The following DAB1 variants were observed in gnomAD, a reference collection of about 807,000 sequenced individuals.
DAB1 encodes the protein DAB adaptor protein 1.
DAB1 carries 15 observed loss-of-function variants against 64.6 expected under a neutral mutation model. That is an observed-to-expected ratio of 0.23 (90% confidence interval 0.16 to 0.36). The LOEUF (loss-of-function observed/expected upper bound fraction) is 0.36, where lower values mean the gene tolerates loss of function less well. Ranked by LOEUF, DAB1 falls within the 10% of genes least tolerant of loss-of-function variation. DAB1 has a pLI of 1.00. For missense variants in DAB1, 596 were observed against 706.7 expected, an observed-to-expected ratio of 0.84 and a Z score of 1.78; for synonymous variants, 235 against 251.9, an observed-to-expected ratio of 0.93 and a Z score of 0.64.
chr1:57,479,450 A>T (rs2101233262), intron 7 of DAB1, among the ~76,000 whole-genome samples: 1 of 148,704 alleles, frequency 6.7e-6, no homozygotes, highest in South Asian at 2.1e-4. Context: ...TATAATATAT[A>T]TATTTTATAT....
chr1:57,334,296 G>A (rs190282674), intron 1 of DAB1, among the ~76,000 whole-genome samples: 1 of 152,310 alleles, frequency 6.6e-6, no homozygotes, highest in African/African-American at 2.4e-5. Context: ...CATCCCCCTT[G>A]GGGTCAGGCT....
chr1:57,033,540 A>G (rs1647031555), intron 9 of DAB1: 2 of 1,612,766 alleles, frequency 1.2e-6, no homozygotes, highest in Admixed American at 1.7e-5. Flanking sequence ...GCTGCAGCAA[A>G]CCGTTCTTCA....
At chr1:57,819,134 C>A (rs1652004711) in intron 6 of DAB1, among the ~76,000 whole-genome samples, 1 of 152,182 alleles carries the variant, frequency 6.6e-6, no homozygotes, top group Admixed American at 6.5e-5. Context: ...TTTGGGGAAC[C>A]TCCCAGATCA....
At chr1:57,168,662 T>A (rs779445599) in intron 2 of DAB1, among the ~76,000 whole-genome samples, 1 of 152,216 alleles carries the variant, frequency 6.6e-6, no homozygotes, top group Admixed American at 6.5e-5. Flanking sequence ...CCTCCCCAAA[T>A]GCGATTTTTC....
chr1:57,693,003 G>T (rs1646781802), intron 6 of DAB1, among the ~76,000 whole-genome samples: 1 of 151,278 alleles, frequency 6.6e-6, no homozygotes, highest in African/African-American at 2.4e-5. Flanking sequence ...TCACCTTTGG[G>T]CCCTATATTT....
chr1:57,246,163 G>T (rs966792726), intron 2 of DAB1, among the ~76,000 whole-genome samples: 1 of 152,212 alleles, frequency 6.6e-6, no homozygotes, highest in Non-Finnish European at 1.5e-5. Flanking sequence ...TGGGGAAAAT[G>T]TCTCCAGGGT....
chr1:57,485,169 G>GTA (rs940701609), intron 7 of DAB1, among the ~76,000 whole-genome samples: 2 of 93,956 alleles, frequency 2.1e-5, no homozygotes, highest in African/African-American at 1.0e-4. Flanking sequence ...GCATAGCATT[G>GTA]AAATGTCCTG....
intron 7 of DAB1, among the ~76,000 whole-genome samples, chr1:57,574,272 G>A (rs1360045346): frequency 6.6e-6 from 1 of 152,126 alleles, no homozygotes; most frequent in Non-Finnish European, 1.5e-5. Context: ...GGGCATGGCT[G>A]GAGGATTTGT....
intron 9 of DAB1, among the ~76,000 whole-genome samples, chr1:57,054,368 A>G (rs1011775119): frequency 2.6e-5 from 4 of 151,574 alleles, no homozygotes; most frequent in Non-Finnish European, 5.9e-5. Context: ...CCACTGTGGG[A>G]CCTGAGTCAT....
intron 7 of DAB1, among the ~76,000 whole-genome samples, chr1:57,485,142 AC>A (rs1331101792): frequency 2.0e-5 from 3 of 151,886 alleles, no homozygotes; most frequent in African/African-American, 4.8e-5. Flanking sequence ...ATGCCCTGTG[AC>A]CCTTCTTCCC....
rs780996718 is a variant in DAB1 at position 58,534,087 on chromosome 1, C to T, written n.33-6752G>A. On this transcript the variant is annotated intron_variant and non_coding_transcript_variant, in intron 1 of 20. Transcript: ENST00000485760. ...TGCACCACAAAGAAAATAATGTAAG[C>T]AATTAGAACATCATAAAAAATAAGG... 9.2e-6 allele frequency: 8 copies of T among 867,674 alleles called. 1 individual carries two copies. The highest frequency in any genetic ancestry group is 4.8e-5 in the East Asian group (2 of 41,580). 53.7% of individuals were successfully genotyped at this position (867,674 alleles called of 1,614,324 possible).
chr1:58,546,315 C>A (rs2406784), intron 1 of DAB1, among the ~76,000 whole-genome samples: 98,443 of 151,824 alleles, frequency 0.65, 34,013 homozygotes, highest in East Asian at 0.94. Context: ...GCCCGAAGCC[C>A]CGCGGGTGAG....
intron 5 of DAB1, among the ~76,000 whole-genome samples, chr1:58,115,906 T>C (rs2100660072): frequency 7.4e-6 from 1 of 134,842 alleles, no homozygotes; most frequent in Non-Finnish European, 1.6e-5. Flanking sequence ...CATTAGTGGG[T>C]GCAGCGCACC....
chr1:57,894,293 G>A (rs1319375687), intron 5 of DAB1, among the ~76,000 whole-genome samples: 12 of 152,108 alleles, frequency 7.9e-5, no homozygotes, highest in Admixed American at 7.9e-4. Flanking sequence ...CTGTCCCTCA[G>A]TCAAATTCTT....
intron 1 of DAB1, among the ~76,000 whole-genome samples, chr1:57,328,749 C>G (rs1160101735): frequency 1.9e-4 from 29 of 152,172 alleles, no homozygotes; most frequent in Non-Finnish European, 1.0e-4. Flanking sequence ...ATAGCCAAGA[C>G]AGAATTTCTG....
intron 7 of DAB1, among the ~76,000 whole-genome samples, chr1:57,635,019 A>C (rs1646034228): frequency 6.6e-6 from 1 of 152,186 alleles, no homozygotes; most frequent in Non-Finnish European, 1.5e-5. Flanking sequence ...CCAGTTCAGC[A>C]TCTCTGAGAT....
At chr1:57,041,738 CA>C (rs2100481285) in intron 9 of DAB1, among the ~76,000 whole-genome samples, 2 of 152,282 alleles carry the variant, frequency 1.3e-5, no homozygotes, top group South Asian at 4.1e-4. Context: ...CAATTCAATA[CA>C]GTATCCTTTA....
chr1:57,641,858 T>C (rs993288918), intron 7 of DAB1, among the ~76,000 whole-genome samples: 1 of 152,150 alleles, frequency 6.6e-6, no homozygotes, highest in Non-Finnish European at 1.5e-5. Context: ...GCTCAAGAAC[T>C]TAGAGATCAC....
chr1:57,655,636 A>T (rs2101661198), intron 6 of DAB1, among the ~76,000 whole-genome samples: 1 of 152,340 alleles, frequency 6.6e-6, no homozygotes, highest in South Asian at 2.1e-4. Flanking sequence ...TAAATAATTG[A>T]ATATAGAGTG....
Sources: allele counts gnomAD v4.1 joint callset (sites outside exome capture counted in the v4.1 genomes callset), GRCh38; gene constraint gnomAD v4.1.1; transcripts MANE v1.5; gene names NCBI Gene and HGNC (gene_info 2026-07-23, HGNC 2026-07-21).